LRP1B: variants seen among roughly 807,000 people sequenced by gnomAD.
LRP1B encodes low-density lipoprotein receptor-related protein 1B.
In LRP1B, 217 loss-of-function variants were observed where a neutral mutation model predicts 556.6. The ratio of observed to expected loss-of-function variants is 0.39; its 90% confidence interval spans 0.35 to 0.44. The LOEUF (loss-of-function observed/expected upper bound fraction) is 0.44, where lower values mean the gene tolerates loss of function less well. Ranked by LOEUF, LRP1B falls within the 20% of genes least tolerant of loss-of-function variation. LRP1B has a pLI of 1.00. For synonymous variants in LRP1B, 2,047 were observed against 1,865.8 expected, an observed-to-expected ratio of 1.10 and a Z score of -2.50; for missense variants, 5,053 against 5,620.8, an observed-to-expected ratio of 0.90 and a Z score of 3.23.
intron 2 of LRP1B, among the ~76,000 whole-genome samples, chr2:141,699,398 C>G (rs1185322006): frequency 1.3e-5 from 2 of 151,816 alleles, no homozygotes; most frequent in African/African-American, 4.8e-5. Flanking sequence ...GATACGTTTT[C>G]TTTAATAGTC....
chr2:140,623,946 T>A (rs1315735189), intron 41 of LRP1B, among the ~76,000 whole-genome samples: 1 of 23,336 alleles, frequency 4.3e-5, no homozygotes, highest in Non-Finnish European at 9.2e-5. Context: ...ATATATTATA[T>A]TTTATTTATG....
intron 2 of LRP1B, among the ~76,000 whole-genome samples, chr2:141,764,165 G>T (rs1694654006): frequency 6.6e-6 from 1 of 152,020 alleles, no homozygotes; most frequent in African/African-American, 2.4e-5. Flanking sequence ...ATAGGAATGG[G>T]GCTCTGTCTG....
At chr2:141,545,302 C>T (rs1361252780) in intron 2 of LRP1B, among the ~76,000 whole-genome samples, 1 of 152,166 alleles carries the variant, frequency 6.6e-6, no homozygotes, top group Non-Finnish European at 1.5e-5. Context: ...TTTCTAAGCA[C>T]TTCCACACTG....
chr2:141,310,112 A>G (rs973111031), intron 3 of LRP1B, among the ~76,000 whole-genome samples: 2 of 152,208 alleles, frequency 1.3e-5, no homozygotes, highest in African/African-American at 2.4e-5. Context: ...TATTGTATGT[A>G]TAGGTAGACA....
At chr2:141,220,771 A>C (rs1235896542) in intron 6 of LRP1B, among the ~76,000 whole-genome samples, 1 of 52,164 alleles carries the variant, frequency 1.9e-5, no homozygotes, top group African/African-American at 4.8e-5. Flanking sequence ...AACATTCTTA[A>C]AAAAAAAAAA....
chr2:142,105,900 A>T (rs1706730122), intron 1 of LRP1B, among the ~76,000 whole-genome samples: 1 of 152,184 alleles, frequency 6.6e-6, no homozygotes, highest in South Asian at 2.1e-4. Flanking sequence ...AATATCATTT[A>T]ACCCTGTTTT....
chr2:141,059,771 G>A (rs79083083), intron 8 of LRP1B, among the ~76,000 whole-genome samples: 5,763 of 151,882 alleles, frequency 0.038, 177 homozygotes, highest in Middle Eastern at 0.12. Context: ...CTTAGAGTTT[G>A]TGGGGAGGAA....
intron 41 of LRP1B, among the ~76,000 whole-genome samples, chr2:140,644,291 T>C (rs1052846224): frequency 3.3e-5 from 5 of 152,174 alleles, no homozygotes; most frequent in African/African-American, 1.2e-4. Flanking sequence ...TGTCCTTATA[T>C]TGGACAGATA....
rs149827809 is a variant in LRP1B, at chr2:140,912,641, G to A, written c.3320-4564C>T. 5.3e-3 allele frequency among the ~76,000 whole-genome samples: 802 copies of A among 151,662 alleles called. 10 individuals are homozygous for A. Among genetic ancestry groups the A allele is most frequent in the Middle Eastern group, 0.014 (4 of 294 alleles). ...TTATTTATAATGATGTTTTCAACTT[G>A]ATAACTACATGTCAAAGACTCTATT... On this transcript the variant is annotated intron_variant, in intron 21 of 90. Transcript: ENST00000389484.
intron 3 of LRP1B, among the ~76,000 whole-genome samples, chr2:141,276,971 T>A (rs1315249735): frequency 6.6e-6 from 1 of 152,158 alleles, no homozygotes; most frequent in South Asian, 2.1e-4. Flanking sequence ...CTCATTCTAT[T>A]TTTATGGATA....
At chr2:141,043,839 A>G (rs1366504779) in intron 11 of LRP1B, among the ~76,000 whole-genome samples, 2 of 152,044 alleles carry the variant, frequency 1.3e-5, no homozygotes, top group East Asian at 1.9e-4. Context: ...TCAAGAAGAT[A>G]AAAATGAATT....
chr2:141,499,492 T>A (rs1050521873), intron 2 of LRP1B, among the ~76,000 whole-genome samples: 2 of 152,098 alleles, frequency 1.3e-5, no homozygotes, highest in Non-Finnish European at 2.9e-5. Flanking sequence ...TTTGTTTTGC[T>A]TTGAGTTTTA....
At chr2:141,584,851 T>C (rs116183489) in intron 2 of LRP1B, among the ~76,000 whole-genome samples, 2,025 of 152,244 alleles carry the variant, frequency 0.013, 56 homozygotes, top group African/African-American at 0.046. Context: ...ATCAAATTCA[T>C]AGAGACAGAC....
intron 3 of LRP1B, among the ~76,000 whole-genome samples, chr2:141,335,778 G>C (rs1687825969): frequency 6.6e-6 from 1 of 152,076 alleles, no homozygotes; most frequent in Non-Finnish European, 1.5e-5. Flanking sequence ...GGAAGGGAGG[G>C]ACACAGAGAT....
Position 141,106,543 on chromosome 2 carries a change from A to AAAAAAAAATGCATTC in LRP1B, c.1014-44271_1014-44270insGAATGCATTTTTTTT, listed in dbSNP as rs1317789616. On this transcript the variant is annotated intron_variant, in intron 7 of 90. Coordinates refer to ENST00000389484, the MANE Select transcript of LRP1B (RefSeq NM_018557.3). ...ATCTGAAGAATTCAGAAGTAAATAG[A>AAAAAAAAATGCATTC]CATGTCTGGAATGCATGCATATCCA... 4.6e-5 allele frequency among the ~76,000 whole-genome samples: 7 copies of AAAAAAAAATGCATTC among 151,956 alleles called. 1 individual carries two copies. The South Asian group carries it at 6.2e-4, about 14-fold the overall frequency.
chr2:140,633,092 A>G (rs1181383180), intron 41 of LRP1B, among the ~76,000 whole-genome samples: 1 of 151,732 alleles, frequency 6.6e-6, no homozygotes, highest in Non-Finnish European at 1.5e-5. Context: ...GAAAAGAAAA[A>G]AGAAACCCAC....
At chr2:141,790,574 T>C (rs1287180894) in intron 2 of LRP1B, among the ~76,000 whole-genome samples, 1 of 151,898 alleles carries the variant, frequency 6.6e-6, no homozygotes, top group Admixed American at 6.6e-5. Context: ...CATTAAAAAG[T>C]GAAAAATGTT....
At chr2:142,063,223 C>T (rs1268126426) in intron 1 of LRP1B, among the ~76,000 whole-genome samples, 1 of 151,430 alleles carries the variant, frequency 6.6e-6, no homozygotes, top group Non-Finnish European at 1.5e-5. Flanking sequence ...CAATATAAAA[C>T]TAATTTAGAG....
At chr2:140,832,530 G>A (rs562666251) in intron 31 of LRP1B, among the ~76,000 whole-genome samples, 103 of 152,096 alleles carry the variant, frequency 6.8e-4, no homozygotes, top group African/African-American at 2.3e-3. Flanking sequence ...AACAAAATGA[G>A]GTACATATAC....
Sources: allele counts gnomAD v4.1 joint callset (sites outside exome capture counted in the v4.1 genomes callset), GRCh38; gene constraint gnomAD v4.1.1; transcripts MANE v1.5; gene names NCBI Gene and HGNC (gene_info 2026-07-23, HGNC 2026-07-21).